SMAD4: variants seen among roughly 807,000 people sequenced by gnomAD.
SMAD4 encodes the protein MAD homolog 4.
SMAD4 carries 7 observed loss-of-function variants against 63.2 expected under a neutral mutation model. The observed-to-expected ratio is 0.11, with a 90% CI of 0.06 to 0.21. The LOEUF is 0.21. Among genes scored for constraint, SMAD4 ranks in the 10% least tolerant of loss-of-function variants. SMAD4 has a pLI of 1.00. For synonymous variants in SMAD4, 215 were observed against 235.4 expected (o/e 0.91, Z 0.79); for missense variants, 312 against 693.8 (o/e 0.45, Z 6.18).
chr18:51,056,980 T>G (rs1909862687), intron 5 of SMAD4, among the ~76,000 whole-genome samples: 1 of 152,158 alleles, frequency 6.6e-6, no homozygotes, highest in South Asian at 2.1e-4. Flanking sequence ...ATAATTAACC[T>G]TTAAAGATAA....
intron 7 of SMAD4, 48 bp downstream of exon 7, chr18:51,058,504 TAGGGCTTTGTTTTCTG>T: frequency 1.4e-5 from 15 of 1,037,076 alleles, no homozygotes; most frequent in Non-Finnish European, 1.9e-5. Context: ...TTTTTTTTGG[TAGGGCTTTGTTTTCTG>T]TTTTTTAAAA....
chr18:51,068,353 G>A (rs564387322), intron 10 of SMAD4, among the ~76,000 whole-genome samples: 8 of 152,116 alleles, frequency 5.3e-5, no homozygotes, highest in South Asian at 2.1e-4. Context: ...TCCTGGAGTC[G>A]TTGAAAGCCA....
chr18:51,066,080 G>T (rs539778192), intron 9 of SMAD4, among the ~76,000 whole-genome samples: 2 of 152,002 alleles, frequency 1.3e-5, no homozygotes, highest in Non-Finnish European at 2.9e-5. Context: ...GGCTGGGTGC[G>T]GTGGCTCACA....
chr18:51,078,219 C>T (rs2144477693), intron 11 of SMAD4, 37 bp from the exon 12 acceptor site: 1 of 1,516,822 alleles, frequency 6.6e-7, no homozygotes, highest in Non-Finnish European at 9.2e-7. Flanking sequence ...AAGAGATCAC[C>T]CTGTCCCTCT....
intron 1 of SMAD4, among the ~76,000 whole-genome samples, chr18:51,033,167 T>TA (rs1385665549): frequency 6.6e-6 from 1 of 151,572 alleles, no homozygotes; most frequent in African/African-American, 2.4e-5. Context: ...TTAAAGGACT[T>TA]ACACCAGCAT....
chr18:51,061,247 C>T (rs1029079601), intron 8 of SMAD4, among the ~76,000 whole-genome samples: 1 of 152,050 alleles, frequency 6.6e-6, no homozygotes, highest in Non-Finnish European at 1.5e-5. Context: ...TTAAAGTGTA[C>T]AATTAAATTA....
At chr18:51,044,745 A>G (rs1317074869) in intron 1 of SMAD4, among the ~76,000 whole-genome samples, 2 of 152,214 alleles carry the variant, frequency 1.3e-5, no homozygotes, top group African/African-American at 4.8e-5. Context: ...AACACTATGT[A>G]TCAGACACGT....
In SMAD4 at chr18:51,066,885, G is replaced by T. The variant is rs536020686; in HGVS notation, c.1140-134G>T. ...AAGAAAAAAGGAAATATACAAAAATGTTAATAGCTATCTTTTGGTTTTATG... is the reference window on the plus strand; with the variant it reads ...AAGAAAAAAGGAAATATACAAAAATTTTAATAGCTATCTTTTGGTTTTATG... On this transcript the variant is annotated intron_variant, in intron 9 of 11. Coordinates refer to ENST00000342988, the MANE Select transcript of SMAD4 (RefSeq NM_005359.6). The T allele has an allele frequency of 2.3e-5, 16 of 692,656 alleles. No homozygotes were observed. In the East Asian group the frequency reaches 4.4e-4, roughly 19 times the overall value. The allele number at this position is 692,656 out of a possible 1,614,324, so 42.9% of individuals were successfully genotyped here.
Position 51,079,742 on chromosome 18 carries a change from T to A in SMAD4, c.*1275T>A. The A allele has an allele frequency of 4.3e-6, 1 of 233,384 alleles. No individual in the cohort carries two copies. Among genetic ancestry groups the A allele is most frequent in the Admixed American group, 5.6e-5 (1 of 17,810 alleles). The allele number at this position is 233,384 out of a possible 1,614,324, so 14.5% of individuals were successfully genotyped here. On this transcript the variant is annotated 3_prime_UTR_variant, in exon 12 of 12. Coordinates refer to ENST00000342988, the MANE Select transcript of SMAD4 (RefSeq NM_005359.6). Reference sequence around the variant, plus strand: ...AGACACAATATGTATGCTTTTTACCTAGCTGGTAGCATAAATAAAACTGAA... The same window carrying A: ...AGACACAATATGTATGCTTTTTACCAAGCTGGTAGCATAAATAAAACTGAA...
intron 1 of SMAD4, among the ~76,000 whole-genome samples, chr18:51,035,052 G>A (rs1909163846): frequency 6.6e-6 from 1 of 152,178 alleles, no homozygotes; most frequent in Non-Finnish European, 1.5e-5. Context: ...TTAATACAGT[G>A]TTACACACAT....
At position 51,071,689 on chromosome 18, in the gene SMAD4, C is replaced by T. The variant is rs145290584; in HGVS notation, c.1308+4502C>T. On this transcript the variant is annotated intron_variant, in intron 10 of 11. Coordinates refer to ENST00000342988, the MANE Select transcript of SMAD4 (RefSeq NM_005359.6). ...ACAATTCAATGATTGTTAGTATATT[C>T]ACAACATTGTGCAGTCATTACTACT... Among the ~76,000 whole-genome samples, 438 of 152,204 alleles carry T rather than the reference C, an allele frequency of 2.9e-3. 1 individual carries two copies. The highest frequency in any genetic ancestry group is 9.6e-3 in the African/African-American group (397 of 41,522).
At chr18:51,047,632 G>A (rs7231287) in intron 2 of SMAD4, among the ~76,000 whole-genome samples, 2,886 of 149,744 alleles carry the variant, frequency 0.019, 97 homozygotes, top group African/African-American at 0.064. Context: ...TTTCCTAGAC[G>A]GAGTCTTGCT....
chr18:51,040,794 T>C (rs534228385), intron 1 of SMAD4, among the ~76,000 whole-genome samples: 13 of 152,352 alleles, frequency 8.5e-5, no homozygotes, highest in South Asian at 2.1e-4. Context: ...AGCTGTCTCT[T>C]CTTGCTAACT....
intron 1 of SMAD4, among the ~76,000 whole-genome samples, chr18:51,044,796 T>C (rs181909714): frequency 1.3e-5 from 2 of 152,338 alleles, no homozygotes; most frequent in East Asian, 3.9e-4. Flanking sequence ...TACCCTCCTT[T>C]TAATCCAGAT....
At chr18:51,074,788 A>G (rs1438047122) in intron 10 of SMAD4, among the ~76,000 whole-genome samples, 1 of 152,180 alleles carries the variant, frequency 6.6e-6, no homozygotes, top group East Asian at 1.9e-4. Flanking sequence ...AGAAGTTCTG[A>G]AACGAATGGA....
At chr18:51,077,004 A>C in intron 11 of SMAD4, 2 of 436,872 alleles carry the variant, frequency 4.6e-6, no homozygotes, top group East Asian at 3.9e-5. Flanking sequence ...ATGAAGGAGA[A>C]AGGGGATGAT....
intron 10 of SMAD4, among the ~76,000 whole-genome samples, chr18:51,076,055 C>G (rs1367026894): frequency 6.6e-6 from 1 of 152,092 alleles, no homozygotes; most frequent in Non-Finnish European, 1.5e-5. Context: ...TAAGTAGTTA[C>G]AATTTTATAT....
intron 10 of SMAD4, among the ~76,000 whole-genome samples, chr18:51,073,397 ACAC>A (rs1910382646): frequency 1.3e-5 from 1 of 79,470 alleles, no homozygotes. Context: ...ATACACACAC[ACAC>A]ACACACACAC....
At chr18:51,057,401 T>C (rs1909874208) in intron 5 of SMAD4, among the ~76,000 whole-genome samples, 1 of 152,154 alleles carries the variant, frequency 6.6e-6, no homozygotes, top group Non-Finnish European at 1.5e-5. Flanking sequence ...CAAGAGAAGC[T>C]TGATTCTCTT....
Sources: allele counts gnomAD v4.1 joint callset (sites outside exome capture counted in the v4.1 genomes callset), GRCh38; gene constraint gnomAD v4.1.1; transcripts MANE v1.5; gene names NCBI Gene and HGNC (gene_info 2026-07-23, HGNC 2026-07-21).